The following LRP1B variants were observed in gnomAD, a reference collection of about 807,000 sequenced individuals.
LRP1B encodes the protein low-density lipoprotein receptor-related protein 1B.
In LRP1B, 217 loss-of-function variants were observed where a neutral mutation model predicts 556.6. The observed-to-expected ratio is 0.39, with a 90% CI of 0.35 to 0.44. The LOEUF is 0.44. Among genes scored for constraint, LRP1B ranks in the 20% least tolerant of loss-of-function variants. The pLI is 1.00. For missense variants in LRP1B, 5,053 were observed against 5,620.8 expected, an observed-to-expected ratio of 0.90 and a Z score of 3.23; for synonymous variants, 2,047 against 1,865.8, an observed-to-expected ratio of 1.10 and a Z score of -2.50.
intron 1 of LRP1B, among the ~76,000 whole-genome samples, chr2:141,890,360 C>CATAT (rs144306760): frequency 7.0e-5 from 9 of 127,680 alleles, no homozygotes; most frequent in East Asian, 6.5e-4. Flanking sequence ...ATGTATTGTG[C>CATAT]ATATATATAT....
At position 140,735,319 on chromosome 2, in the gene LRP1B, A is replaced by G. The variant is rs560851038; in HGVS notation, c.5759-18503T>C. 2.6e-5 allele frequency among the ~76,000 whole-genome samples: 4 copies of G among 152,322 alleles called. No individual in the cohort carries two copies. The South Asian group carries it at 6.2e-4, about 24-fold the overall frequency. On this transcript the variant is annotated intron_variant, in intron 35 of 90. Coordinates refer to ENST00000389484, the MANE Select transcript of LRP1B (RefSeq NM_018557.3). ...AGCAGAGTGGGATGATTACTGCTAC[A>G]TTGTAATGACACACTACAGACAGAT...
Position 141,783,929 on chromosome 2 carries a change from G to A in LRP1B, c.205+26350C>T, listed in dbSNP as rs188196304. ...ATATTAGACAAGTATTTACTCTTTTGGCATTTCATTAATGGGCTTGTTTAA... is the reference window on the plus strand; with the variant it reads ...ATATTAGACAAGTATTTACTCTTTTAGCATTTCATTAATGGGCTTGTTTAA... On this transcript the variant is annotated intron_variant, in intron 2 of 90. Transcript: ENST00000389484. 4.0e-5 allele frequency among the ~76,000 whole-genome samples: 6 copies of A among 151,684 alleles called. No homozygotes were observed. In the East Asian group the frequency reaches 5.8e-4, roughly 15 times the overall value.
At chr2:141,358,502 A>AGAATG (rs1253019222) in intron 3 of LRP1B, among the ~76,000 whole-genome samples, 2 of 152,144 alleles carry the variant, frequency 1.3e-5, no homozygotes, top group African/African-American at 4.8e-5. Context: ...CCCTGAAAGG[A>AGAATG]GAATGGAGAA....
chr2:140,321,358 TTGTTTC>T (rs1158921631), intron 82 of LRP1B, among the ~76,000 whole-genome samples: 1 of 150,486 alleles, frequency 6.6e-6, no homozygotes, highest in Non-Finnish European at 1.5e-5. Flanking sequence ...CTTATCCATT[TTGTTTC>T]TGTTAGTTTT....
At position 140,396,736 on chromosome 2, in the gene LRP1B, A is replaced by G. The variant is rs1329306192; in HGVS notation, c.10415-10727T>C. Among the ~76,000 whole-genome samples the G allele has an allele frequency of 2.6e-5, 4 of 152,214 alleles. No individual in the cohort carries two copies. In the East Asian group the frequency reaches 7.7e-4, roughly 29 times the overall value. ...TGTGAATTGTACTGTCAACTTTATC[A>G]TCAAGTTGTGTTAATTTTGGAGGAA... On this transcript the variant is annotated intron_variant, in intron 66 of 90. Transcript: ENST00000389484.
chr2:142,015,991 C>CAAAAGAAAAAAAAAA (rs1703115922), intron 1 of LRP1B, among the ~76,000 whole-genome samples: 1 of 38,790 alleles, frequency 2.6e-5, no homozygotes, highest in Non-Finnish European at 4.2e-5. Context: ...GACTCCATCT[C>CAAAAGAAAAAAAAAA]AAAAAAAAAA....
chr2:140,606,245 A>T (rs1450525072), intron 41 of LRP1B, among the ~76,000 whole-genome samples: 1 of 152,014 alleles, frequency 6.6e-6, no homozygotes, highest in African/African-American at 2.4e-5. Context: ...AAATGACATT[A>T]AAAAGACAAT....
intron 2 of LRP1B, among the ~76,000 whole-genome samples, chr2:141,567,021 C>A (rs1686355503): frequency 6.6e-6 from 1 of 152,018 alleles, no homozygotes; most frequent in South Asian, 2.1e-4. Flanking sequence ...AGCATTCTTA[C>A]ATAGGAAGAT....
intron 1 of LRP1B, among the ~76,000 whole-genome samples, chr2:141,893,442 C>A (rs2104918703): frequency 6.6e-6 from 1 of 152,276 alleles, no homozygotes; most frequent in Non-Finnish European, 1.5e-5. Flanking sequence ...CTTAGGTGAT[C>A]CACCCACCTT....
rs139647740 is a variant in LRP1B at position 140,401,141 on chromosome 2, T to G, written c.10415-15132A>C. Among the ~76,000 whole-genome samples the G allele has an allele frequency of 1.0e-3, 152 of 152,196 alleles. 3 individuals are homozygous for G. Among genetic ancestry groups the G allele is most frequent in the African/African-American group, 3.5e-3 (144 of 41,548 alleles). On this transcript the variant is annotated intron_variant, in intron 66 of 90. Transcript: ENST00000389484. ...ATGAACTCTCTTGTCCAGAACTTGGTGGGGCTAGTGGGAAGTACACTGCAG... is the reference window on the plus strand; with the variant it reads ...ATGAACTCTCTTGTCCAGAACTTGGGGGGGCTAGTGGGAAGTACACTGCAG...
chr2:141,167,114 A>C (rs1680301723), intron 7 of LRP1B: 1 of 151,894 alleles, frequency 6.6e-6, no homozygotes, highest in Non-Finnish European at 1.5e-5. Context: ...TTACAGTCTT[A>C]AATATAAGTT....
At chr2:141,789,885 CA>C (rs1401888711) in intron 2 of LRP1B, among the ~76,000 whole-genome samples, 1 of 151,928 alleles carries the variant, frequency 6.6e-6, no homozygotes, top group Non-Finnish European at 1.5e-5. Context: ...AAAAGGACTC[CA>C]AATGTCCTTC....
At chr2:140,646,912 T>C (rs1684505639) in intron 41 of LRP1B, among the ~76,000 whole-genome samples, 1 of 152,044 alleles carries the variant, frequency 6.6e-6, no homozygotes, top group Admixed American at 6.6e-5. Flanking sequence ...ATGTATGTGT[T>C]CATATTGTAT....
At chr2:141,277,961 C>A (rs767840036) in intron 3 of LRP1B, among the ~76,000 whole-genome samples, 1 of 151,976 alleles carries the variant, frequency 6.6e-6, no homozygotes, top group Non-Finnish European at 1.5e-5. Flanking sequence ...TGCAATGACA[C>A]GTAAGAATAA....
chr2:142,109,915 T>G (rs950084709), intron 1 of LRP1B, among the ~76,000 whole-genome samples: 1 of 152,092 alleles, frequency 6.6e-6, no homozygotes. Flanking sequence ...GAGAAAATAA[T>G]AGCATCAGCA....
chr2:140,281,266 G>A (rs890568257), intron 84 of LRP1B, among the ~76,000 whole-genome samples: 2 of 151,876 alleles, frequency 1.3e-5, no homozygotes, highest in Admixed American at 6.6e-5. Flanking sequence ...AAGCCATATA[G>A]CTATACAATC....
At chr2:140,307,793 C>G (rs1187167799) in intron 83 of LRP1B, among the ~76,000 whole-genome samples, 1 of 151,610 alleles carries the variant, frequency 6.6e-6, no homozygotes, top group African/African-American at 2.4e-5. Flanking sequence ...TGTATTAGAG[C>G]ACTTAATTTG....
At chr2:140,791,439 A>G (rs1282587497) in intron 32 of LRP1B, among the ~76,000 whole-genome samples, 1 of 152,084 alleles carries the variant, frequency 6.6e-6, no homozygotes, top group Admixed American at 6.6e-5. Context: ...TAAAAAAATT[A>G]AAAATTAAAT....
chr2:141,829,151 T>TCA (rs1421810291), intron 1 of LRP1B, among the ~76,000 whole-genome samples: 1,982 of 152,210 alleles, frequency 0.013, 50 homozygotes, highest in African/African-American at 0.045. Flanking sequence ...TCTAGCGAGT[T>TCA]TTTGTCCTCA....
Sources: gnomAD v4.1 joint callset for allele counts (sites outside exome capture counted in the v4.1 genomes callset) on GRCh38, gnomAD v4.1.1 for gene constraint, MANE v1.5 for transcripts, NCBI Gene and HGNC (gene_info 2026-07-23, HGNC 2026-07-21) for gene names.